TRDN: variants seen among roughly 807,000 people sequenced by gnomAD.
TRDN encodes triadin, also known as triadin in skeletal muscle.
A neutral mutation model predicts 149.7 loss-of-function variants in TRDN; 161 were observed. The observed-to-expected ratio is 1.08, with a 90% CI of 0.95 to 1.23. The LOEUF is 1.23. Among genes scored for constraint, TRDN ranks in the 50% most tolerant of loss-of-function variants. The pLI, the probability that TRDN is intolerant of heterozygous loss-of-function variation, is 0.00. For missense variants in TRDN, 896 were observed against 823.5 expected (o/e 1.09, Z -1.08); for synonymous variants, 294 against 250.5 (o/e 1.17, Z -1.64).
At chr6:123,602,547 C>CA (rs1323207745) in intron 1 of TRDN, among the ~76,000 whole-genome samples, 1 of 151,930 alleles carries the variant, frequency 6.6e-6, no homozygotes, top group Non-Finnish European at 1.5e-5. Context: ...TCTGTGCAAC[C>CA]AAAAACCACC....
At chr6:123,308,768 G>A (rs967570792) in intron 24 of TRDN, among the ~76,000 whole-genome samples, 15 of 151,958 alleles carry the variant, frequency 9.9e-5, no homozygotes, top group Admixed American at 9.9e-4. Flanking sequence ...ATATGAAACA[G>A]TTTGATGATT....
chr6:123,601,564 T>C (rs567324035), intron 1 of TRDN, among the ~76,000 whole-genome samples: 5 of 152,216 alleles, frequency 3.3e-5, no homozygotes, highest in South Asian at 2.1e-4. Context: ...TTGGTGCTAA[T>C]TGGTAAAAGG....
intron 9 of TRDN, among the ~76,000 whole-genome samples, chr6:123,482,714 T>C (rs1777799933): frequency 6.6e-6 from 1 of 152,182 alleles, no homozygotes; most frequent in Non-Finnish European, 1.5e-5. Flanking sequence ...ATTGTACTTT[T>C]TTCATATCTA....
chr6:123,269,488 CT>C (rs1777129871), intron 31 of TRDN, among the ~76,000 whole-genome samples: 1 of 151,962 alleles, frequency 6.6e-6, no homozygotes, highest in Non-Finnish European at 1.5e-5. Flanking sequence ...CCTACCTTAA[CT>C]TACTGTGAGT....
rs950028369 is a variant in TRDN, at chr6:123,534,666, G to A, written c.425-4101C>T. ...TTGCAAAATCAAATTTAAAAGATTC[G>A]AGTCATTAAAGGTAGAAATTTATTG... On this transcript the variant is annotated intron_variant, in intron 4 of 40. Coordinates refer to ENST00000334268, the MANE Select transcript of TRDN (RefSeq NM_006073.4). Among the ~76,000 whole-genome samples, 86 of 152,032 alleles carry A rather than the reference G, an allele frequency of 5.7e-4. 1 individual carries two copies. Among genetic ancestry groups the A allele is most frequent in the Non-Finnish European group, 2.4e-4 (16 of 68,016 alleles).
intron 21 of TRDN, among the ~76,000 whole-genome samples, chr6:123,342,027 C>T (rs1780081764): frequency 6.6e-6 from 1 of 151,946 alleles, no homozygotes; most frequent in Non-Finnish European, 1.5e-5. Flanking sequence ...AATTCTGGTT[C>T]AATTTCATAA....
In TRDN at chr6:123,259,241, T is replaced by C. The variant is rs572853029; in HGVS notation, c.1870+383A>G. Among the ~76,000 whole-genome samples the C allele has an allele frequency of 2.0e-5, 3 of 152,204 alleles. No homozygotes were observed. In the East Asian group the frequency reaches 5.8e-4, roughly 29 times the overall value. On this transcript the variant is annotated intron_variant, in intron 35 of 40. Transcript: ENST00000334268. ...TTTCATTGTGATGTTAGGGTGTTGA[T>C]TTTAGATCTTTCCCACTTTCTCTGT...
chr6:123,511,935 C>CTGGA (rs1464722630), intron 7 of TRDN, among the ~76,000 whole-genome samples: 5 of 151,872 alleles, frequency 3.3e-5, no homozygotes, highest in Admixed American at 6.6e-5. Context: ...TTGAGCCCAC[C>CTGGA]TGGATAATCC....
intron 7 of TRDN, among the ~76,000 whole-genome samples, chr6:123,506,494 T>G (rs767390927): frequency 6.6e-6 from 1 of 152,178 alleles, no homozygotes; most frequent in Admixed American, 6.5e-5. Flanking sequence ...TTTTGTCTTT[T>G]TGTTTTTTTG....
chr6:123,548,780 C>T (rs1200904266), intron 2 of TRDN, among the ~76,000 whole-genome samples, 168 bp from the exon 3 acceptor site: 1 of 151,874 alleles, frequency 6.6e-6, no homozygotes, highest in Non-Finnish European at 1.5e-5. Flanking sequence ...GAAACTTCAT[C>T]TTGCTATAAT....
At chr6:123,504,317 G>C (rs189077328) in intron 7 of TRDN, among the ~76,000 whole-genome samples, 185 of 152,184 alleles carry the variant, frequency 1.2e-3, no homozygotes, top group African/African-American at 4.4e-3. Flanking sequence ...ATAAGCACAT[G>C]ATCATTTTGC....
At chr6:123,587,349 A>C (rs1413337385) in intron 1 of TRDN, among the ~76,000 whole-genome samples, 2 of 152,128 alleles carry the variant, frequency 1.3e-5, no homozygotes. Context: ...TCTACCAGAA[A>C]ATGAAAGGAA....
intron 1 of TRDN, among the ~76,000 whole-genome samples, chr6:123,619,123 A>G (rs74770069): frequency 2.0e-4 from 31 of 152,334 alleles, no homozygotes; most frequent in African/African-American, 7.2e-4. Context: ...ATTGCAAGAT[A>G]CATTAGAAGT....
intron 24 of TRDN, among the ~76,000 whole-genome samples, chr6:123,311,129 G>C (rs922059790): frequency 1.3e-5 from 2 of 151,938 alleles, no homozygotes; most frequent in African/African-American, 4.8e-5. Flanking sequence ...TTGACTCATA[G>C]TTCGCATGGC....
chr6:123,287,135 A>G (rs1009876451), intron 24 of TRDN, among the ~76,000 whole-genome samples: 4 of 152,168 alleles, frequency 2.6e-5, no homozygotes, highest in African/African-American at 9.7e-5. Context: ...CCAATAAAAT[A>G]TAAACATCTT....
chr6:123,372,278 A>G (rs558562268), intron 19 of TRDN, among the ~76,000 whole-genome samples: 2 of 152,290 alleles, frequency 1.3e-5, no homozygotes, highest in African/African-American at 4.8e-5. Context: ...TTCTGCATAC[A>G]GATGTCTCCT....
chr6:123,243,023 A>G (rs1776045532), intron 38 of TRDN, among the ~76,000 whole-genome samples: 1 of 152,090 alleles, frequency 6.6e-6, no homozygotes, highest in African/African-American at 2.4e-5. Context: ...CACCTTGACA[A>G]GGTCAAGGAG....
intron 24 of TRDN, 95 bp from the exon 25 acceptor site, chr6:123,279,177 A>G (rs1777489829): frequency 3.9e-6 from 4 of 1,028,826 alleles, no homozygotes; most frequent in Non-Finnish European, 4.1e-6. Context: ...GAAAATAAAA[A>G]TGAAACAATG....
At chr6:123,258,316 C>T (rs776378626) in intron 35 of TRDN, among the ~76,000 whole-genome samples, 40 of 152,010 alleles carry the variant, frequency 2.6e-4, no homozygotes, top group Non-Finnish European at 4.7e-4. Flanking sequence ...TCCATCAATA[C>T]CTAGTTTATT....
Sources: allele counts gnomAD v4.1 joint callset (sites outside exome capture counted in the v4.1 genomes callset), GRCh38; gene constraint gnomAD v4.1.1; transcripts MANE v1.5; gene names NCBI Gene and HGNC (gene_info 2026-07-23, HGNC 2026-07-21).